FRMPD4: variants seen among roughly 807,000 people sequenced by gnomAD.
FRMPD4 encodes FERM and PDZ domain-containing protein 4.
FRMPD4 carries 22 observed loss-of-function variants against 94.1 expected under a neutral mutation model. That is an observed-to-expected ratio of 0.23 (90% CI 0.17 to 0.33). The LOEUF (loss-of-function observed/expected upper bound fraction) is 0.33. Ranked by LOEUF, FRMPD4 falls within the 10% of genes least tolerant of loss-of-function variation. The pLI is 1.00. For synonymous variants in FRMPD4, 631 were observed against 548.6 expected (o/e 1.15, Z -2.10); for missense variants, 1,111 against 1,339.9 (o/e 0.83, Z 2.67).
At chrX:12,256,757 C>T (rs1374359580) in intron 1 of FRMPD4, among the ~76,000 whole-genome samples, 2 of 111,866 alleles carry the variant, frequency 1.8e-5, no homozygotes, top group Non-Finnish European at 3.8e-5. Flanking sequence ...TGTTCAAGGT[C>T]ACCCCCTCTG....
intron 2 of FRMPD4, among the ~76,000 whole-genome samples, chrX:11,865,405 C>T (rs760165247): frequency 8.9e-6 from 1 of 111,749 alleles, no homozygotes; most frequent in African/African-American, 3.3e-5. Flanking sequence ...TCATCTAGAG[C>T]TGTATGTGAC....
intron 3 of FRMPD4, among the ~76,000 whole-genome samples, chrX:12,129,133 G>A (rs2055525333): frequency 8.9e-6 from 1 of 111,963 alleles, no homozygotes; most frequent in South Asian, 3.8e-4. Context: ...TATCTTTATA[G>A]CAGCACCCTA....
At chrX:12,343,570 C>T (rs994546482) in intron 1 of FRMPD4, among the ~76,000 whole-genome samples, 1 of 111,984 alleles carries the variant, frequency 8.9e-6, no homozygotes, top group Non-Finnish European at 1.9e-5. Flanking sequence ...CCACTCACCC[C>T]TCTTCCTGAG....
At chrX:11,949,822 A>T (rs1454480504) in intron 3 of FRMPD4, among the ~76,000 whole-genome samples, 1 of 111,326 alleles carries the variant, frequency 9.0e-6, no homozygotes, top group African/African-American at 3.3e-5. Flanking sequence ...GACAATGTCA[A>T]ATTCAACTTT....
intron 4 of FRMPD4, among the ~76,000 whole-genome samples, chrX:12,620,216 G>T (rs2059275042): frequency 8.9e-6 from 1 of 112,753 alleles, no homozygotes; most frequent in Admixed American, 9.3e-5. Context: ...GCCACCACAG[G>T]CAGGCCTGCT....
intron 2 of FRMPD4, among the ~76,000 whole-genome samples, chrX:12,527,322 C>T (rs959341645): frequency 1.8e-5 from 2 of 111,236 alleles, no homozygotes; most frequent in African/African-American, 6.5e-5. Flanking sequence ...GGTGTTTCCA[C>T]TCATGTTGCT....
At chrX:12,316,453 C>T (rs1320625541) in intron 1 of FRMPD4, among the ~76,000 whole-genome samples, 1 of 111,749 alleles carries the variant, frequency 8.9e-6, no homozygotes, top group Non-Finnish European at 1.9e-5. Flanking sequence ...GTGCCCAGCC[C>T]ATTTCCAGAT....
chrX:11,963,152 G>T (rs911191951), intron 3 of FRMPD4, among the ~76,000 whole-genome samples: 3 of 112,214 alleles, frequency 2.7e-5, no homozygotes, highest in East Asian at 2.8e-4. Flanking sequence ...ATGAATCAGA[G>T]ATCTTAATAA....
At chrX:12,619,041 T>C (rs1602218346) in intron 4 of FRMPD4, among the ~76,000 whole-genome samples, 1 of 111,413 alleles carries the variant, frequency 9.0e-6, no homozygotes, top group Middle Eastern at 4.7e-3. Context: ...AAGTGGAAAA[T>C]TGCCCATCCC....
intron 2 of FRMPD4, among the ~76,000 whole-genome samples, chrX:11,868,221 CT>C (rs1472794918): frequency 2.7e-5 from 3 of 111,683 alleles, no homozygotes; most frequent in African/African-American, 9.8e-5. Flanking sequence ...CCCTTTGGGT[CT>C]CCTCTCCTCA....
At chrX:12,717,270 A>C in intron 15 of FRMPD4, 137 bp downstream of exon 15, 1 of 477,531 alleles carries the variant, frequency 2.1e-6, no homozygotes, top group Non-Finnish European at 3.4e-6. Flanking sequence ...TGAAACTGCC[A>C]TCATGGGTTT....
intron 1 of FRMPD4, among the ~76,000 whole-genome samples, chrX:12,482,961 C>T (rs1171053643): frequency 9.0e-6 from 1 of 111,624 alleles, no homozygotes; most frequent in Non-Finnish European, 1.9e-5. Flanking sequence ...ACAATTAAAC[C>T]AGAATAATAA....
chrX:12,572,102 CCT>C (rs745413060), intron 2 of FRMPD4, among the ~76,000 whole-genome samples: 1 of 112,148 alleles, frequency 8.9e-6, no homozygotes, highest in African/African-American at 3.2e-5. Flanking sequence ...GAAAGGAGCC[CCT>C]GTTTTTAAAA....
chrX:11,931,060 A>T (rs1213524277), intron 3 of FRMPD4, among the ~76,000 whole-genome samples: 1 of 111,476 alleles, frequency 9.0e-6, no homozygotes, highest in Non-Finnish European at 1.9e-5. Flanking sequence ...TAACCAGTTC[A>T]TGACTAAAGA....
At chrX:12,603,251 G>A (rs1345001642) in intron 2 of FRMPD4, among the ~76,000 whole-genome samples, 2 of 111,870 alleles carry the variant, frequency 1.8e-5, no homozygotes, top group African/African-American at 6.5e-5. Context: ...TTTAACCTCC[G>A]CACCAAAGGT....
intron 5 of FRMPD4, among the ~76,000 whole-genome samples, chrX:12,676,417 C>T (rs1197004728): frequency 4.4e-5 from 5 of 112,811 alleles, no homozygotes; most frequent in African/African-American, 9.7e-5. Context: ...TAATAAGCAT[C>T]GAACAACTAT....
intron 4 of FRMPD4, among the ~76,000 whole-genome samples, chrX:12,621,942 A>AAGAG (rs1243668508): frequency 6.5e-5 from 6 of 91,721 alleles, no homozygotes; most frequent in African/African-American, 2.1e-4. Context: ...GAAAGAAAGA[A>AAGAG]AGAGAGAGAG....
chrX:12,441,450 C>T (rs1213030666), intron 1 of FRMPD4, among the ~76,000 whole-genome samples: 2 of 110,608 alleles, frequency 1.8e-5, no homozygotes, highest in Non-Finnish European at 3.8e-5. Flanking sequence ...TGTTTTTTTT[C>T]CCCCTTCTCT....
chrX:12,142,632 A>G (rs1194136797), intron 1 of FRMPD4, among the ~76,000 whole-genome samples: 2 of 112,077 alleles, frequency 1.8e-5, no homozygotes, highest in African/African-American at 3.2e-5. Context: ...AGGAGGTGAA[A>G]TGATGAACAG....
Sources: allele counts gnomAD v4.1 joint callset (sites outside exome capture counted in the v4.1 genomes callset), GRCh38; gene constraint gnomAD v4.1.1; transcripts MANE v1.5; gene names NCBI Gene and HGNC (gene_info 2026-07-23, HGNC 2026-07-21).